The following ITPK1 variants were observed in gnomAD, a reference collection of about 807,000 sequenced individuals.
ITPK1 encodes the protein inositol 1,3,4-trisphosphate 5/6-kinase.
In ITPK1, 21 loss-of-function variants were observed where a neutral mutation model predicts 45.3. The observed-to-expected ratio is 0.46, with a 90% CI of 0.33 to 0.67. The LOEUF (loss-of-function observed/expected upper bound fraction) is 0.67. ITPK1 is among the 30% of genes least tolerant of loss of function. The pLI, the probability that ITPK1 is intolerant of heterozygous loss-of-function variation, is 0.02. For synonymous variants in ITPK1, 258 were observed against 253.6 expected (o/e 1.02, Z -0.16); for missense variants, 474 against 573.5 (o/e 0.83, Z 1.77).
At chr14:93,045,144 G>A (rs1889723274) in intron 3 of ITPK1, among the ~76,000 whole-genome samples, 3 of 152,208 alleles carry the variant, frequency 2.0e-5, no homozygotes, top group South Asian at 4.1e-4. Flanking sequence ...GCCCTTGCAG[G>A]CACAGGGCAT....
chr14:92,985,553 C>T (rs1886449231), intron 5 of ITPK1, among the ~76,000 whole-genome samples: 1 of 151,234 alleles, frequency 6.6e-6, no homozygotes, highest in African/African-American at 2.4e-5. Context: ...TTTAAAAGCC[C>T]GCTTGTGTTA....
chr14:92,940,869 T>C lies in ITPK1; in HGVS notation c.*692A>G. The C allele has an allele frequency of 7.8e-7, 1 of 1,288,794 alleles. No homozygotes were observed. The highest frequency in any genetic ancestry group is 5.6e-5 in the East Asian group (1 of 18,018). The allele number at this position is 1,288,794 out of a possible 1,614,324, so 79.8% of individuals were successfully genotyped here. Reference sequence around the variant, plus strand: ...CTGGCTTAGGGGAAGGAGACCGCTGTGCAGGGCTAAATGGGACGTGTGTTG... The same window carrying C: ...CTGGCTTAGGGGAAGGAGACCGCTGCGCAGGGCTAAATGGGACGTGTGTTG... On this transcript the variant is annotated 3_prime_UTR_variant, in exon 11 of 11. Coordinates refer to ENST00000267615, the MANE Select transcript of ITPK1 (RefSeq NM_014216.6).
Position 92,959,456 on chromosome 14 carries a change from A to G in ITPK1, c.505-1090T>C, listed in dbSNP as rs980864543. On this transcript the variant is annotated intron_variant, in intron 7 of 10. Coordinates refer to ENST00000267615, the MANE Select transcript of ITPK1 (RefSeq NM_014216.6). ...GGACAGACGTGGAAATCCAGGCCAC[A>G]TGGGAAAAACAAAAAGTGTGTGTCT... 2.6e-5 allele frequency among the ~76,000 whole-genome samples: 4 copies of G among 152,322 alleles called. No individual in the cohort carries two copies. In the South Asian group the frequency reaches 6.2e-4, roughly 24 times the overall value.
chr14:93,077,609 C>G (rs909218942), intron 2 of ITPK1, among the ~76,000 whole-genome samples: 6 of 152,186 alleles, frequency 3.9e-5, no homozygotes, highest in African/African-American at 1.4e-4. Context: ...CGAGCCACCA[C>G]GTCCAGCCTC....
At position 93,012,399 on chromosome 14, in the gene ITPK1, G is replaced by A. The variant is rs1887960492; in HGVS notation, c.246+4277C>T. On this transcript the variant is annotated intron_variant, in intron 4 of 10. Coordinates refer to ENST00000267615, the MANE Select transcript of ITPK1 (RefSeq NM_014216.6). The surrounding 1 kb of genome is among the most constrained non-coding windows in gnomAD (Gnocchi z 4.9). ...CTGACGGAACAGCTTGTGCAAAGGC[G>A]CTGAGGTGGACACACATCAGAGCCT... Among the ~76,000 whole-genome samples the A allele has an allele frequency of 6.6e-6, 1 of 152,196 alleles. No individual in the cohort carries two copies. The highest frequency in any genetic ancestry group is 2.1e-4 in the South Asian group (1 of 4,822).
chr14:92,961,341 T>G (rs926000497), intron 7 of ITPK1, among the ~76,000 whole-genome samples: 2 of 152,224 alleles, frequency 1.3e-5, no homozygotes, highest in East Asian at 3.9e-4. Context: ...CCTGGAGTCC[T>G]CACAGGCTCC....
intron 4 of ITPK1, among the ~76,000 whole-genome samples, chr14:93,004,155 G>A (rs1002232180): frequency 2.6e-5 from 4 of 152,208 alleles, no homozygotes; most frequent in Non-Finnish European, 5.9e-5. Flanking sequence ...GCAAGCCAGC[G>A]AGATCCATGC....
chr14:92,956,162 C>G (rs1884712770), intron 8 of ITPK1, among the ~76,000 whole-genome samples: 1 of 151,826 alleles, frequency 6.6e-6, no homozygotes, highest in South Asian at 2.1e-4. Flanking sequence ...TACTGTCACC[C>G]AGGCTGGAAT....
At chr14:93,095,579 T>G (rs1024537918) in intron 2 of ITPK1, among the ~76,000 whole-genome samples, 6 of 151,822 alleles carry the variant, frequency 4.0e-5, no homozygotes, top group East Asian at 1.9e-4. Flanking sequence ...ACTAGGTTTT[T>G]TTTTTTTTTT....
chr14:92,946,569 A>C, intron 9 of ITPK1, 76 bp from the exon 10 acceptor site: 3 of 1,376,540 alleles, frequency 2.2e-6, no homozygotes, highest in Non-Finnish European at 3.0e-6. Flanking sequence ...GACCCCCCAC[A>C]CCAGCTGCCA....
intron 4 of ITPK1, among the ~76,000 whole-genome samples, chr14:93,005,899 G>A (rs1887587194): frequency 6.6e-6 from 1 of 152,192 alleles, no homozygotes; most frequent in Non-Finnish European, 1.5e-5. Context: ...GAATGAGGCT[G>A]CCTGCAAAAG....
At chr14:92,945,140 G>A (rs1266213034) in intron 10 of ITPK1, among the ~76,000 whole-genome samples, 1 of 152,232 alleles carries the variant, frequency 6.6e-6, no homozygotes, top group Admixed American at 6.5e-5. Context: ...CCCCAGGCAG[G>A]GCATGGCAGT....
intron 7 of ITPK1, 37 bp downstream of exon 7, chr14:92,962,318 G>C: frequency 6.6e-7 from 1 of 1,512,300 alleles, no homozygotes. Flanking sequence ...TGAAAGGATG[G>C]GGGTCAGGGA....
chr14:93,076,723 C>T lies in ITPK1; in HGVS notation c.96-104G>A. 1 of 1,389,632 alleles carries T rather than the reference C, an allele frequency of 7.2e-7. No individual in the cohort carries two copies. Among genetic ancestry groups the T allele is most frequent in the Non-Finnish European group, 1.0e-6 (1 of 979,844 alleles). The allele number at this position is 1,389,632 out of a possible 1,614,324, so 86.1% of individuals were successfully genotyped here. ...TGAGGGCAGGACCATGAGAGGGTTT[C>T]AGGAGGGAGCCGGCAGCTGCGCCTC... On this transcript the variant is annotated intron_variant, in intron 2 of 10. Coordinates refer to ENST00000267615, the MANE Select transcript of ITPK1 (RefSeq NM_014216.6). This position sits in a 1 kb window ranked among gnomAD's most constrained non-coding sequence, Gnocchi z 4.3.
At chr14:93,028,027 G>C (rs1888831215) in intron 3 of ITPK1, among the ~76,000 whole-genome samples, 1 of 152,216 alleles carries the variant, frequency 6.6e-6, no homozygotes, top group South Asian at 2.1e-4. Context: ...GTGGGTCCAT[G>C]CACCTGCTGG....
chr14:93,095,743 C>G (rs765904882), intron 2 of ITPK1, among the ~76,000 whole-genome samples: 4 of 151,884 alleles, frequency 2.6e-5, no homozygotes, highest in South Asian at 4.1e-4. Flanking sequence ...CCTTGCCCCC[C>G]TCTCCCATTT....
At position 93,012,752 on chromosome 14, in the gene ITPK1, C is replaced by T. The variant is rs1175979979; in HGVS notation, c.246+3924G>A. 1.3e-5 allele frequency among the ~76,000 whole-genome samples: 2 copies of T among 152,314 alleles called. No homozygotes were observed. The highest frequency in any genetic ancestry group is 2.1e-4 in the South Asian group (1 of 4,826). ...GGACATCTGAGGGACAATTACCGTC[C>T]TTCCAGCTGATAAAGACAGGGCAAA... On this transcript the variant is annotated intron_variant, in intron 4 of 10. Coordinates refer to ENST00000267615, the MANE Select transcript of ITPK1 (RefSeq NM_014216.6). The surrounding 1 kb of genome is among the most constrained non-coding windows in gnomAD (Gnocchi z 4.9).
rs1000397036 is a variant in ITPK1 at position 93,115,844 on chromosome 14, C to G, written c.-215G>C. ...GCCCGCCGAGAAGGGCGGCGGCGAG[C>G]GCCCGCGCACTCGCCGCCCCTGCCC... On this transcript the variant is annotated 5_prime_UTR_variant, in exon 1 of 11. Transcript: ENST00000267615. 6.8e-6 allele frequency: 1 copy of G among 146,300 alleles called. No homozygotes were observed. The highest frequency in any genetic ancestry group is 2.5e-5 in the African/African-American group (1 of 40,628). The allele number at this position is 146,300 out of a possible 1,614,324, so 9.1% of individuals were successfully genotyped here.
chr14:93,024,429 C>T (rs186127830), intron 3 of ITPK1, among the ~76,000 whole-genome samples: 19 of 152,310 alleles, frequency 1.2e-4, no homozygotes, highest in Middle Eastern at 3.4e-3. Context: ...AAATATCCTT[C>T]CTATAGTCGC....
Sources: allele counts gnomAD v4.1 joint callset (sites outside exome capture counted in the v4.1 genomes callset), GRCh38; gene constraint gnomAD v4.1.1; non-coding constraint Gnocchi (gnomAD v3.1); transcripts MANE v1.5; gene names NCBI Gene and HGNC (gene_info 2026-07-23, HGNC 2026-07-21).